The following RAB27A variants were observed in gnomAD, a reference collection of about 807,000 sequenced individuals.
The protein encoded by RAB27A is RAB27A, member RAS oncogene family, also known as ras-related protein Rab-27A.
In RAB27A, 17 loss-of-function variants were observed where a neutral mutation model predicts 20.8. The ratio of observed to expected loss-of-function variants is 0.82; its 90% CI spans 0.56 to 1.23. The LOEUF (loss-of-function observed/expected upper bound fraction) is 1.23. RAB27A is among the 50% of genes most tolerant of loss of function. RAB27A has a pLI of 0.00. For missense variants in RAB27A, 277 were observed against 266.7 expected, an observed-to-expected ratio of 1.04 and a Z score of -0.27; for synonymous variants, 85 against 92.8, an observed-to-expected ratio of 0.92 and a Z score of 0.48.
chr15:55,256,012 G>A (rs1411318600), intron 2 of RAB27A, among the ~76,000 whole-genome samples: 1 of 152,168 alleles, frequency 6.6e-6, no homozygotes, highest in Non-Finnish European at 1.5e-5. Flanking sequence ...CAAGATTATT[G>A]GAAGGATTAA....
chr15:55,225,268 T>C (rs1368492850), intron 5 of RAB27A, among the ~76,000 whole-genome samples: 2 of 152,228 alleles, frequency 1.3e-5, no homozygotes, highest in Admixed American at 1.3e-4. Context: ...CAGGATCCAG[T>C]GTACCTAGGG....
chr15:55,251,269 C>T (rs1896878927), intron 2 of RAB27A, among the ~76,000 whole-genome samples: 1 of 152,088 alleles, frequency 6.6e-6, no homozygotes, highest in Non-Finnish European at 1.5e-5. Flanking sequence ...GCAAGAGGAG[C>T]TATTTAAAGC....
At chr15:55,303,433 T>G (rs1370900411) in intron 2 of RAB27A, among the ~76,000 whole-genome samples, 2 of 50,018 alleles carry the variant, frequency 4.0e-5, no homozygotes, top group Admixed American at 1.8e-4. Context: ...CGGGAGGGAG[T>G]TGGGGTGTCA....
upstream of RAB27A, among the ~76,000 whole-genome samples, chr15:55,294,182 T>C (rs371013285): frequency 5.9e-5 from 9 of 152,074 alleles, no homozygotes; most frequent in East Asian, 3.9e-4. Flanking sequence ...ATAAGTGGAA[T>C]AGGCTTGAGA....
At chr15:55,313,085 T>C (rs1260638400) in intron 2 of RAB27A, among the ~76,000 whole-genome samples, 1 of 152,176 alleles carries the variant, frequency 6.6e-6, no homozygotes, top group Non-Finnish European at 1.5e-5. Context: ...ACATTTGGTA[T>C]TTAAATTAAA....
At chr15:55,302,985 G>T (rs1024340650) in intron 2 of RAB27A, among the ~76,000 whole-genome samples, 28 of 142,714 alleles carry the variant, frequency 2.0e-4, no homozygotes, top group Non-Finnish European at 3.3e-4. Flanking sequence ...AGGGAGGTGG[G>T]GGGGGGTCAA....
At chr15:55,251,781 T>C (rs1896898486) in intron 2 of RAB27A, among the ~76,000 whole-genome samples, 1 of 152,236 alleles carries the variant, frequency 6.6e-6, no homozygotes, top group African/African-American at 2.4e-5. Context: ...AGATTTTCTC[T>C]ACTAACTTCA....
intron 2 of RAB27A, among the ~76,000 whole-genome samples, chr15:55,252,814 G>C (rs1896940164): frequency 6.6e-6 from 1 of 152,126 alleles, no homozygotes; most frequent in Non-Finnish European, 1.5e-5. Flanking sequence ...CAATCAACTT[G>C]CTTTCCTCTA....
chr15:55,224,067 C>T (rs1239047662), intron 5 of RAB27A, 55 bp from the exon 6 acceptor site: 3 of 1,379,842 alleles, frequency 2.2e-6, no homozygotes, highest in African/African-American at 2.9e-5. Flanking sequence ...AGTGTATGAT[C>T]AGTGAACAAT....
chr15:55,257,511 T>A (rs1284066773), intron 2 of RAB27A, among the ~76,000 whole-genome samples: 1 of 152,194 alleles, frequency 6.6e-6, no homozygotes, highest in African/African-American at 2.4e-5. Context: ...AAACTCAGTT[T>A]CCAGATACTA....
At chr15:55,298,709 T>C (rs1328639291) in intron 2 of RAB27A, among the ~76,000 whole-genome samples, 2 of 152,170 alleles carry the variant, frequency 1.3e-5, no homozygotes, top group Non-Finnish European at 2.9e-5. Context: ...GACTGGGGTC[T>C]ATTTCACCCC....
At chr15:55,252,862 C>T (rs910647676) in intron 2 of RAB27A, among the ~76,000 whole-genome samples, 7 of 152,082 alleles carry the variant, frequency 4.6e-5, no homozygotes, top group Non-Finnish European at 8.8e-5. Context: ...TGGCCGGGCG[C>T]GGTGGCTCAC....
chr15:55,277,790 A>C (rs1897914294), intron 1 of RAB27A, among the ~76,000 whole-genome samples: 1 of 152,222 alleles, frequency 6.6e-6, no homozygotes, highest in African/African-American at 2.4e-5. Flanking sequence ...CTTACTATCA[A>C]CTATGGGTCA....
At chr15:55,290,288 T>G (rs1179113277), upstream of RAB27A, 1 of 152,238 alleles carries the variant, frequency 6.6e-6, no homozygotes, top group Non-Finnish European at 1.5e-5. Context: ...GCGCGGCTCC[T>G]GAGGCGGCGT....
chr15:55,223,119 A>G (rs1027825595), intron 6 of RAB27A, among the ~76,000 whole-genome samples: 3 of 152,182 alleles, frequency 2.0e-5, no homozygotes, highest in Non-Finnish European at 4.4e-5. Flanking sequence ...CTCCCAGAAT[A>G]GAAATTTCAA....
At position 55,296,678 on chromosome 15, in the gene RAB27A, C is replaced by CT. The variant is rs112129152; in HGVS notation, c.-112+17360dup. On this transcript the variant is annotated intron_variant, in intron 2 of 5. Coordinates refer to the RAB27A transcript ENST00000563262. ...TATTTTTAATTAGACTATAATTTTG[C>CT]TTTTTTTTTGGCACAATGGAGCATG... 2.4e-3 allele frequency among the ~76,000 whole-genome samples: 365 copies of CT among 151,194 alleles called. 2 individuals are homozygous for CT. The highest frequency in any genetic ancestry group is 4.9e-3 in the African/African-American group (200 of 41,200).
At chr15:55,239,831 G>A (rs1402293327) in intron 2 of RAB27A, among the ~76,000 whole-genome samples, 4 of 152,138 alleles carry the variant, frequency 2.6e-5, no homozygotes, top group Non-Finnish European at 4.4e-5. Flanking sequence ...GGGGCAGGCA[G>A]GTTTTCAAAA....
chr15:55,274,795 T>TATATATATATATATATATAC (rs1897809174), intron 1 of RAB27A, among the ~76,000 whole-genome samples: 1 of 6,832 alleles, frequency 1.5e-4, no homozygotes, highest in Non-Finnish European at 3.2e-4. Flanking sequence ...ATAAATAAAT[T>TATATATATATATATATATAC]ATATATATAT....
At chr15:55,245,918 T>G (rs1190770170) in intron 2 of RAB27A, among the ~76,000 whole-genome samples, 1 of 151,984 alleles carries the variant, frequency 6.6e-6, no homozygotes, top group Non-Finnish European at 1.5e-5. Context: ...AAAACCAACA[T>G]GGCAAAACCC....
Sources: gnomAD v4.1 joint callset for allele counts (sites outside exome capture counted in the v4.1 genomes callset) on GRCh38, gnomAD v4.1.1 for gene constraint, MANE v1.5 for transcripts, NCBI Gene and HGNC (gene_info 2026-07-23, HGNC 2026-07-21) for gene names.